Variants in TIAM1 observed in about 807,000 individuals in gnomAD.
The protein encoded by TIAM1 is TIAM Rac1 associated GEF 1.
A neutral mutation model predicts 163.5 loss-of-function variants in TIAM1; 65 were observed. The ratio of observed to expected loss-of-function variants is 0.40; its 90% confidence interval spans 0.33 to 0.49. The LOEUF (loss-of-function observed/expected upper bound fraction) is 0.49. Among genes scored for constraint, TIAM1 ranks in the 20% least tolerant of loss-of-function variants. The pLI, the probability that TIAM1 is intolerant of heterozygous loss-of-function variation, is 0.77. For synonymous variants in TIAM1, 833 were observed against 810.1 expected, an observed-to-expected ratio of 1.03 and a Z score of -0.48; for missense variants, 1,789 against 2,044.7, an observed-to-expected ratio of 0.87 and a Z score of 2.41.
At chr21:31,519,305 C>CAAAAAAA (rs369132676) in intron 1 of TIAM1, among the ~76,000 whole-genome samples, 3 of 53,126 alleles carry the variant, frequency 5.6e-5, no homozygotes, top group Admixed American at 2.9e-4. Flanking sequence ...AACTCTGTCT[C>CAAAAAAA]AAAAAAAAAA....
intron 1 of TIAM1, among the ~76,000 whole-genome samples, chr21:31,511,631 T>C (rs1427130833): frequency 1.3e-5 from 2 of 152,160 alleles, no homozygotes; most frequent in African/African-American, 2.4e-5. Flanking sequence ...TGACAAAGAG[T>C]TATGTCACCG....
chr21:31,541,731 G>C (rs776148795), intron 1 of TIAM1, among the ~76,000 whole-genome samples: 1 of 152,162 alleles, frequency 6.6e-6, no homozygotes, highest in Admixed American at 6.5e-5. Flanking sequence ...ATATGGATAA[G>C]AAAAAACAGA....
At position 31,217,572 on chromosome 21, in the gene TIAM1, C is replaced by A. The variant is rs1271024222; in HGVS notation, c.2123G>T (p.Gly708Val). 6.2e-7 allele frequency: 1 copy of A among 1,613,770 alleles called. No individual in the cohort carries two copies. The highest frequency in any genetic ancestry group is 1.3e-5 in the African/African-American group (1 of 74,898). Residue 708 changes from glycine (G) to valine (V), a missense_variant, in exon 9 of 28, where the codon GGA (glycine) becomes GTA (valine). Coordinates refer to ENST00000541036, the MANE Select transcript of TIAM1 (RefSeq NM_001353694.2). Reference sequence around the variant, plus strand: ...ACCTACCTGATTGATGCTTGGCCGTCCCTGCTTCTTTTTGGAGGTAGTATC... The same window carrying A: ...ACCTACCTGATTGATGCTTGGCCGTACCTGCTTCTTTTTGGAGGTAGTATC... ...GLDTTSKKKQ[G>V]RPSINQVFGE...
At chr21:31,170,383 G>T (rs1469866640) in intron 15 of TIAM1, among the ~76,000 whole-genome samples, 5 of 152,166 alleles carry the variant, frequency 3.3e-5, no homozygotes, top group Admixed American at 3.3e-4. Context: ...AGCAATTTAT[G>T]CAAGTAGGCC....
At chr21:31,468,997 C>T (rs1229318860) in intron 1 of TIAM1, among the ~76,000 whole-genome samples, 1 of 151,678 alleles carries the variant, frequency 6.6e-6, no homozygotes, top group Non-Finnish European at 1.5e-5. Flanking sequence ...GGAGGTCTCT[C>T]GATCACAAGT....
chr21:31,555,151 A>G (rs2048831751), intron 1 of TIAM1, among the ~76,000 whole-genome samples: 1 of 149,174 alleles, frequency 6.7e-6, no homozygotes, highest in Non-Finnish European at 1.5e-5. Context: ...TTAATAAATG[A>G]TTTGGCCTAC....
At chr21:31,519,005 G>A (rs1338602197) in intron 1 of TIAM1, among the ~76,000 whole-genome samples, 1 of 151,976 alleles carries the variant, frequency 6.6e-6, no homozygotes, top group Non-Finnish European at 1.5e-5. Flanking sequence ...GACCAGCCTG[G>A]CCAACATGGT....
At chr21:31,267,641 A>C (rs75472715) in intron 3 of TIAM1, among the ~76,000 whole-genome samples, 2 of 151,874 alleles carry the variant, frequency 1.3e-5, no homozygotes, top group African/African-American at 4.8e-5. Flanking sequence ...AATTAAAAAA[A>C]AAAAGCTTTG....
At chr21:31,173,573 AG>A (rs2084625410) in intron 15 of TIAM1, among the ~76,000 whole-genome samples, 2 of 152,174 alleles carry the variant, frequency 1.3e-5, no homozygotes, top group African/African-American at 4.8e-5. Context: ...AAAGAAAGAA[AG>A]GAATGTTACA....
chr21:31,499,165 T>C (rs2046766492), intron 1 of TIAM1, among the ~76,000 whole-genome samples: 1 of 151,850 alleles, frequency 6.6e-6, no homozygotes, highest in Admixed American at 6.6e-5. Context: ...CCTAGTCCAG[T>C]GGAGGGAGAC....
intron 2 of TIAM1, among the ~76,000 whole-genome samples, chr21:31,438,709 G>A (rs41370153): frequency 0.059 from 9,040 of 152,178 alleles, 374 homozygotes; most frequent in East Asian, 0.14. Flanking sequence ...ACCCTCCAAA[G>A]GTCAAAAGTC....
chr21:31,546,002 T>C (rs1180023353), intron 1 of TIAM1, among the ~76,000 whole-genome samples: 1 of 152,004 alleles, frequency 6.6e-6, no homozygotes, highest in African/African-American at 2.4e-5. Flanking sequence ...CTTTCAAAGT[T>C]AGAGAAAATC....
chr21:31,455,068 G>A (rs1448987838), intron 2 of TIAM1, among the ~76,000 whole-genome samples: 2 of 151,964 alleles, frequency 1.3e-5, no homozygotes, highest in Non-Finnish European at 2.9e-5. Context: ...ATCACCTGAG[G>A]TCAGGAGTTC....
chr21:31,315,527 T>G (rs1305215873), intron 2 of TIAM1, among the ~76,000 whole-genome samples: 2 of 148,132 alleles, frequency 1.4e-5, no homozygotes. Flanking sequence ...AAAAAAAAAG[T>G]AGCCGGGTGT....
At chr21:31,125,571 TTTTCTTTTTC>T (rs2146211907) in intron 26 of TIAM1, among the ~76,000 whole-genome samples, 1 of 152,292 alleles carries the variant, frequency 6.6e-6, no homozygotes, top group East Asian at 1.9e-4. Context: ...CCACCATTTA[TTTTCTTTTTC>T]TTTCTTTTTT....
chr21:31,356,263 G>C (rs1047505215), intron 2 of TIAM1, among the ~76,000 whole-genome samples: 2 of 152,078 alleles, frequency 1.3e-5, no homozygotes, highest in Non-Finnish European at 1.5e-5. Context: ...ATTCACTAAG[G>C]ATGTTCAAGA....
intron 2 of TIAM1, among the ~76,000 whole-genome samples, chr21:31,318,871 TG>T (rs2147019370): frequency 6.6e-6 from 1 of 152,322 alleles, no homozygotes; most frequent in East Asian, 1.9e-4. Flanking sequence ...TTGTTTTTGT[TG>T]TTTTATACAA....
intron 1 of TIAM1, among the ~76,000 whole-genome samples, chr21:31,539,144 T>A (rs2048236864): frequency 6.6e-6 from 1 of 152,126 alleles, no homozygotes; most frequent in African/African-American, 2.4e-5. Context: ...ACCACATACA[T>A]TAAATCTCTC....
intron 2 of TIAM1, among the ~76,000 whole-genome samples, chr21:31,366,897 C>T (rs1161793873): frequency 2.0e-5 from 3 of 152,148 alleles, no homozygotes; most frequent in Non-Finnish European, 4.4e-5. Flanking sequence ...GGATTATAGG[C>T]GTGAGTCACC....
Sources: gnomAD v4.1 joint callset for allele counts (sites outside exome capture counted in the v4.1 genomes callset) on GRCh38, gnomAD v4.1.1 for gene constraint, MANE v1.5 for transcripts, NCBI Gene and HGNC (gene_info 2026-07-23, HGNC 2026-07-21) for gene names.